The following ST6GALNAC5 variants were observed in gnomAD, a reference collection of about 807,000 sequenced individuals.
The protein encoded by ST6GALNAC5 is alpha-N-acetylgalactosaminide alpha-2,6-sialyltransferase 5.
Under a neutral mutation model 33.6 loss-of-function variants are expected in ST6GALNAC5, and 27 were observed. The ratio of observed to expected loss-of-function variants is 0.80; its 90% CI spans 0.59 to 1.11. The LOEUF is 1.11. ST6GALNAC5 is among the 50% of genes least tolerant of loss of function. ST6GALNAC5 has a pLI of 0.00. For synonymous variants in ST6GALNAC5, 194 were observed against 171.2 expected, an observed-to-expected ratio of 1.13 and a Z score of -1.04; for missense variants, 428 against 454.0, an observed-to-expected ratio of 0.94 and a Z score of 0.52.
intron 2 of ST6GALNAC5, among the ~76,000 whole-genome samples, chr1:77,005,331 C>T (rs1650359514): frequency 6.6e-6 from 1 of 152,242 alleles, no homozygotes; most frequent in East Asian, 1.9e-4. Context: ...TGAGGCAATG[C>T]CTCGCCCTGC....
intron 2 of ST6GALNAC5, among the ~76,000 whole-genome samples, chr1:76,952,028 A>G (rs1647769804): frequency 6.6e-6 from 1 of 152,074 alleles, no homozygotes; most frequent in Non-Finnish European, 1.5e-5. Flanking sequence ...GACCACCACT[A>G]TTTTTCCAGT....
intron 2 of ST6GALNAC5, among the ~76,000 whole-genome samples, chr1:76,939,543 C>T (rs1647277459): frequency 6.6e-6 from 1 of 152,008 alleles, no homozygotes; most frequent in Non-Finnish European, 1.5e-5. Context: ...CCATGGTCCA[C>T]AAAATGTGAA....
intron 2 of ST6GALNAC5, among the ~76,000 whole-genome samples, chr1:76,939,473 C>A (rs1021242177): frequency 1.3e-5 from 2 of 151,988 alleles, no homozygotes; most frequent in Non-Finnish European, 2.9e-5. Flanking sequence ...GATTATCCAC[C>A]CCAGCATTCC....
chr1:76,943,464 T>C (rs536655847), intron 2 of ST6GALNAC5, among the ~76,000 whole-genome samples: 3 of 152,156 alleles, frequency 2.0e-5, no homozygotes, highest in African/African-American at 7.2e-5. Context: ...CTGAGCCATG[T>C]AAAAAAATAA....
chr1:77,011,154 T>A (rs1428637165), intron 2 of ST6GALNAC5, among the ~76,000 whole-genome samples: 1 of 148,848 alleles, frequency 6.7e-6, no homozygotes, highest in Non-Finnish European at 1.5e-5. Context: ...ACAGAAGCAG[T>A]AACATGAGAG....
intron 2 of ST6GALNAC5, among the ~76,000 whole-genome samples, chr1:76,897,904 G>A (rs1307993154): frequency 6.6e-6 from 1 of 152,192 alleles, no homozygotes; most frequent in Non-Finnish European, 1.5e-5. Flanking sequence ...TGAAAAGAAG[G>A]TAATGTGGAG....
intron 2 of ST6GALNAC5, among the ~76,000 whole-genome samples, chr1:76,985,432 ACCTAGAAAT>A (rs1306192716): frequency 6.6e-5 from 10 of 152,184 alleles, no homozygotes; most frequent in Non-Finnish European, 1.0e-4. Context: ...AGAATAAAAT[ACCTAGAAAT>A]CCAACTTACA....
chr1:76,907,669 C>T (rs935034180), intron 2 of ST6GALNAC5, among the ~76,000 whole-genome samples: 2 of 152,124 alleles, frequency 1.3e-5, no homozygotes, highest in Non-Finnish European at 2.9e-5. Context: ...ATCCAAGGGT[C>T]CACGTTCCCC....
intron 2 of ST6GALNAC5, among the ~76,000 whole-genome samples, chr1:77,004,200 CT>C (rs1433931904): frequency 2.0e-5 from 3 of 150,662 alleles, no homozygotes; most frequent in African/African-American, 7.3e-5. Flanking sequence ...TCTTTTTATT[CT>C]TTTTTCTCTA....
intron 2 of ST6GALNAC5, among the ~76,000 whole-genome samples, chr1:76,887,198 C>T (rs1275573537): frequency 1.3e-5 from 2 of 152,018 alleles, no homozygotes; most frequent in African/African-American, 4.8e-5. Flanking sequence ...ATTAATTGCC[C>T]TAATTGTATT....
chr1:76,898,169 C>A (rs560085262), intron 2 of ST6GALNAC5, among the ~76,000 whole-genome samples: 1 of 152,140 alleles, frequency 6.6e-6, no homozygotes, highest in African/African-American at 2.4e-5. Context: ...AGATGGGATA[C>A]GGCTTAGGAG....
intron 2 of ST6GALNAC5, among the ~76,000 whole-genome samples, chr1:76,908,338 T>G (rs1646882904): frequency 6.6e-6 from 1 of 152,080 alleles, no homozygotes; most frequent in Non-Finnish European, 1.5e-5. Flanking sequence ...TGTCCTCACA[T>G]AGTGGAAGGG....
At chr1:76,956,865 T>C (rs1648018055) in intron 2 of ST6GALNAC5, among the ~76,000 whole-genome samples, 1 of 152,084 alleles carries the variant, frequency 6.6e-6, no homozygotes, top group Non-Finnish European at 1.5e-5. Flanking sequence ...TAACATGGGG[T>C]TGGGGAGGTT....
intron 2 of ST6GALNAC5, among the ~76,000 whole-genome samples, chr1:76,959,018 T>G (rs1648119011): frequency 6.6e-6 from 1 of 152,196 alleles, no homozygotes; most frequent in Non-Finnish European, 1.5e-5. Context: ...TCCTCCTCTT[T>G]GCCAAGCATT....
intron 2 of ST6GALNAC5, among the ~76,000 whole-genome samples, chr1:77,019,050 C>G (rs1176961814): frequency 1.3e-5 from 2 of 152,180 alleles, no homozygotes; most frequent in Non-Finnish European, 2.9e-5. Context: ...GATATCAATT[C>G]CCCTGAGCTT....
At chr1:76,974,770 TTTC>T (rs1648930714) in intron 2 of ST6GALNAC5, among the ~76,000 whole-genome samples, 1 of 111,224 alleles carries the variant, frequency 9.0e-6, no homozygotes, top group African/African-American at 3.4e-5. Flanking sequence ...TTTTTCTTTC[TTTC>T]TTTTTTTTTT....
At chr1:76,931,580 A>G (rs1010067483) in intron 2 of ST6GALNAC5, among the ~76,000 whole-genome samples, 2 of 152,140 alleles carry the variant, frequency 1.3e-5, no homozygotes, top group Non-Finnish European at 2.9e-5. Context: ...ATCAGTCACT[A>G]TATTTATAAT....
chr1:77,050,533 A>G (rs930675855), intron 4 of ST6GALNAC5, among the ~76,000 whole-genome samples, 168 bp downstream of exon 4: 1 of 152,272 alleles, frequency 6.6e-6, no homozygotes, highest in Non-Finnish European at 1.5e-5. Flanking sequence ...TAATTATGTT[A>G]TATAAAATAT....
At chr1:76,968,257 T>C (rs1648583052) in intron 2 of ST6GALNAC5, among the ~76,000 whole-genome samples, 1 of 152,196 alleles carries the variant, frequency 6.6e-6, no homozygotes, top group Non-Finnish European at 1.5e-5. Flanking sequence ...TTTATGAATC[T>C]GGGTGTTCCT....
Sources: gnomAD v4.1 joint callset for allele counts (sites outside exome capture counted in the v4.1 genomes callset) on GRCh38, gnomAD v4.1.1 for gene constraint, MANE v1.5 for transcripts, NCBI Gene and HGNC (gene_info 2026-07-23, HGNC 2026-07-21) for gene names.